The following SCN2B variants were observed in gnomAD, a reference collection of about 807,000 sequenced individuals.
The protein encoded by SCN2B is sodium channel regulatory subunit beta-2.
SCN2B carries 14 observed loss-of-function variants against 18.2 expected under a neutral mutation model. The ratio of observed to expected loss-of-function variants is 0.77; its 90% CI spans 0.51 to 1.21. The LOEUF (loss-of-function observed/expected upper bound fraction) is 1.21. SCN2B is among the 50% of genes most tolerant of loss of function. The pLI is 0.00. For synonymous variants in SCN2B, 115 were observed against 115.3 expected (o/e 1.00, Z 0.02); for missense variants, 262 against 286.9 (o/e 0.91, Z 0.63).
intron 1 of SCN2B, among the ~76,000 whole-genome samples, chr11:118,173,326 T>C (rs1565464600): frequency 1.3e-5 from 2 of 152,228 alleles, no homozygotes; most frequent in African/African-American, 4.8e-5. Flanking sequence ...TTGCTTCAGG[T>C]TGAGAAGCTC....
At position 118,174,091 on chromosome 11, in the gene SCN2B, C is replaced by CTTTTGTTTTTTTTTTT. The variant is rs1555101438; in HGVS notation, c.70+2270_70+2271insAAAAAAAAAAACAAAA. ...ACCATGCCTGGCTTATTTTTCTTTTCTTTTTTTTTTTTTTTTTTTTTTTTT... is the reference window on the plus strand; with the variant it reads ...ACCATGCCTGGCTTATTTTTCTTTTCTTTTGTTTTTTTTTTTTTTTTTTTTTTTTTTTTTTTTTTTT... On this transcript the variant is annotated intron_variant, in intron 1 of 3. Coordinates refer to ENST00000278947, the MANE Select transcript of SCN2B (RefSeq NM_004588.5). Among the ~76,000 whole-genome samples, 53 of 66,660 alleles carry CTTTTGTTTTTTTTTTT rather than the reference C, an allele frequency of 8.0e-4. 8 individuals carry two copies. The highest frequency in any genetic ancestry group is 2.7e-3 in the African/African-American group (42 of 15,546). The allele number at this position is 66,660 out of a possible 152,430, so 43.7% of individuals were successfully genotyped here.
At position 118,174,104 on chromosome 11, in the gene SCN2B, T is replaced by TTTTTTG. The variant is rs1565464874; in HGVS notation, c.70+2257_70+2258insCAAAAA. Among the ~76,000 whole-genome samples, 533 of 128,140 alleles carry TTTTTTG rather than the reference T, an allele frequency of 4.2e-3. 18 individuals carry two copies. The highest frequency in any genetic ancestry group is 0.016 in the African/African-American group (503 of 31,994). The allele number at this position is 128,140 out of a possible 152,430, so 84.1% of individuals were successfully genotyped here. On this transcript the variant is annotated intron_variant, in intron 1 of 3. Coordinates refer to ENST00000278947, the MANE Select transcript of SCN2B (RefSeq NM_004588.5). ...TATTTTTCTTTTCTTTTTTTTTTTT[T>TTTTTTG]TTTTTTTTTTTTTTTTGTAGAGACA...
rs1299303400 is a variant in SCN2B at position 118,168,240 on chromosome 11, C to T, written c.293G>A (p.Arg98His). 7 of 1,614,214 alleles carry T rather than the reference C, an allele frequency of 4.3e-6. No individual in the cohort carries two copies. Among genetic ancestry groups the T allele is most frequent in the African/African-American group, 1.3e-5 (1 of 75,056 alleles). Residue 98 changes from arginine (R) to histidine (H), a missense_variant, in exon 3 of 4, where the codon CGC (arginine) becomes CAC (histidine). Physicochemically the swap from Arg to His is conservative, Grantham distance 29. Transcript: ENST00000278947. This position sits in a 1 kb window ranked among gnomAD's most constrained non-coding sequence, Gnocchi z 4.7. The part of the protein sequence containing the change: ...INLKLERFQD[R>H]VEFSGNPSKY... Reference sequence around the variant, plus strand: ...GCTGGGGTTCCCTGAGAACTCCACGCGGTCTTGAAACCGCTCCAGCTTCAG... The same window carrying T: ...GCTGGGGTTCCCTGAGAACTCCACGTGGTCTTGAAACCGCTCCAGCTTCAG...
chr11:118,166,679 C>T lies in SCN2B; in HGVS notation c.*208G>A, dbSNP rs1565462606. 1.6e-6 allele frequency: 1 copy of T among 631,814 alleles called. No individual in the cohort carries two copies. The highest frequency in any genetic ancestry group is 1.8e-5 in the South Asian group (1 of 54,228). The allele number at this position is 631,814 out of a possible 1,614,324, so 39.1% of individuals were successfully genotyped here. ...TCTCCTCTCCCCAGGGCCCACACGT[C>T]CCAGAGCATGGCAGGTTTCTCGGAT... On this transcript the variant is annotated 3_prime_UTR_variant, in exon 4 of 4. Coordinates refer to ENST00000278947, the MANE Select transcript of SCN2B (RefSeq NM_004588.5).
At position 118,163,053 on chromosome 11, in the gene SCN2B, T is replaced by A. The variant is rs1367489666; in HGVS notation, c.*3834A>T. On this transcript the variant is annotated 3_prime_UTR_variant, in exon 4 of 4. Coordinates refer to ENST00000278947, the MANE Select transcript of SCN2B (RefSeq NM_004588.5). Reference sequence around the variant, plus strand: ...CGCAAGAACATTCCAAAATTTGCCTTTGGTGAATCAACTCAAAACACTGAG... The same window carrying A: ...CGCAAGAACATTCCAAAATTTGCCTATGGTGAATCAACTCAAAACACTGAG... 2 of 152,574 alleles carry A rather than the reference T, an allele frequency of 1.3e-5. No homozygotes were observed. Among genetic ancestry groups the A allele is most frequent in the African/African-American group, 4.8e-5 (2 of 41,412 alleles). 9.5% of individuals were successfully genotyped at this position (152,574 alleles called of 1,614,324 possible).
chr11:118,164,867 C>G lies in SCN2B; in HGVS notation c.*2020G>C, dbSNP rs1436011113. The G allele has an allele frequency of 6.5e-6, 1 of 152,700 alleles. No individual in the cohort carries two copies. Among genetic ancestry groups the G allele is most frequent in the Non-Finnish European group, 1.5e-5 (1 of 68,080 alleles). The allele number at this position is 152,700 out of a possible 1,614,324, so 9.5% of individuals were successfully genotyped here. A position where few individuals can be genotyped will look rare whatever the true frequency, so the allele number is the denominator to read the frequency against. ...TGAATCTCCCAGATGATATTGCTGT[C>G]TCCCCAAATTGGCAATCTGATGGGC... On this transcript the variant is annotated 3_prime_UTR_variant, in exon 4 of 4. Transcript: ENST00000278947.
chr11:118,168,120 C>T lies in SCN2B; in HGVS notation c.413G>A (p.Gly138Asp). Residue 138 changes from glycine (G) to aspartate (D), a missense_variant, in exon 3 of 4, where the codon GGC becomes GAC. Gly to Asp is a moderately conservative substitution (Grantham distance 94). Transcript: ENST00000278947. The surrounding 1 kb of genome is among the most constrained non-coding windows in gnomAD (Gnocchi z 4.7). ...GACCTGCAGATGGATCTTGCCATGG[C>T]CACGGTGGCGGTCAGGGGGGTTCAT... The part of the protein sequence containing the change: ...YIMNPPDRHR[G>D]HGKIHLQVLM... 6.2e-7 allele frequency: 1 copy of T among 1,614,144 alleles called. No individual in the cohort carries two copies. The highest frequency in any genetic ancestry group is 1.1e-5 in the South Asian group (1 of 91,060).
chr11:118,167,217 A>G, intron 3 of SCN2B, 131 bp from the exon 4 acceptor site: 1 of 968,320 alleles, frequency 1.0e-6, no homozygotes. Flanking sequence ...AGCAAAGCCG[A>G]AAAGCAATCC....
intron 1 of SCN2B, among the ~76,000 whole-genome samples, chr11:118,172,742 G>A (rs1006282235): frequency 6.6e-5 from 10 of 152,184 alleles, no homozygotes; most frequent in African/African-American, 2.2e-4. Context: ...CTCAGGCCTC[G>A]TGTCATCCAC....
chr11:118,167,419 T>A (rs947207727), intron 3 of SCN2B, among the ~76,000 whole-genome samples: 14 of 152,332 alleles, frequency 9.2e-5, no homozygotes, highest in Non-Finnish European at 2.1e-4. Flanking sequence ...TTTTCTAACA[T>A]GTAAAATGGG....
chr11:118,168,526 G>A lies in SCN2B; in HGVS notation c.237+59C>T. The A allele has an allele frequency of 6.2e-7, 1 of 1,606,446 alleles. No homozygotes were observed. The highest frequency in any genetic ancestry group is 1.7e-5 in the Admixed American group (1 of 60,028). ...GCCGGGGCCGGTGGTGGGACCAGGG[G>A]CTTCATGCCATGGGGCTCCTACCTC... On this transcript the variant is annotated intron_variant, in intron 2 of 3. Coordinates refer to ENST00000278947, the MANE Select transcript of SCN2B (RefSeq NM_004588.5). This position sits in a 1 kb window ranked among gnomAD's most constrained non-coding sequence, Gnocchi z 4.7.
At chr11:118,167,124 G>A (rs757055969) in intron 3 of SCN2B, 38 bp from the exon 4 acceptor site, 14 of 1,594,300 alleles carry the variant, frequency 8.8e-6, no homozygotes, top group Non-Finnish European at 1.2e-5. Flanking sequence ...CCAGGGCTGG[G>A]AAAGGGGCCT....
intron 1 of SCN2B, among the ~76,000 whole-genome samples, chr11:118,171,564 G>A (rs1299386002): frequency 6.6e-6 from 1 of 152,234 alleles, no homozygotes; most frequent in Non-Finnish European, 1.5e-5. Flanking sequence ...AAGCCCGGCG[G>A]ACTCTGTGCG....
intron 1 of SCN2B, among the ~76,000 whole-genome samples, chr11:118,175,430 A>G (rs1331572525): frequency 6.6e-6 from 1 of 152,218 alleles, no homozygotes; most frequent in East Asian, 1.9e-4. Context: ...CCAGCACATC[A>G]CACCACAGAA....
intron 1 of SCN2B, among the ~76,000 whole-genome samples, chr11:118,170,626 G>T (rs1948423792): frequency 6.6e-6 from 1 of 152,166 alleles, no homozygotes; most frequent in Non-Finnish European, 1.5e-5. Context: ...GATAGAGGCT[G>T]ATGTGGGAAT....
chr11:118,170,123 T>C (rs1349293927), intron 1 of SCN2B, among the ~76,000 whole-genome samples: 2 of 152,236 alleles, frequency 1.3e-5, no homozygotes, highest in Non-Finnish European at 2.9e-5. Flanking sequence ...GTCTAGGCCC[T>C]GGGGGTTACT....
chr11:118,173,906 ACTTT>A (rs111226922), intron 1 of SCN2B, among the ~76,000 whole-genome samples: 455 of 151,490 alleles, frequency 3.0e-3, no homozygotes, highest in African/African-American at 9.5e-3. Flanking sequence ...ACTAGACTTC[ACTTT>A]CTTTCTTTCT....
intron 1 of SCN2B, among the ~76,000 whole-genome samples, chr11:118,173,202 C>T (rs958229681): frequency 1.1e-4 from 16 of 152,322 alleles, no homozygotes; most frequent in African/African-American, 3.6e-4. Context: ...ATACCCTAGC[C>T]TCATCCCCTG....
At chr11:118,174,091 CTTTTTTTTTTTTTTTTT>C (rs1162918445) in intron 1 of SCN2B, among the ~76,000 whole-genome samples, 1 of 66,626 alleles carries the variant, frequency 1.5e-5, no homozygotes, top group South Asian at 7.6e-4. Context: ...TTTTTCTTTT[CTTTTTTTTTTTTTTTTT>C]TTTTTTTTTT....
Sources: allele counts gnomAD v4.1 joint callset (sites outside exome capture counted in the v4.1 genomes callset), GRCh38; gene constraint gnomAD v4.1.1; non-coding constraint Gnocchi (gnomAD v3.1); transcripts MANE v1.5; gene names NCBI Gene and HGNC (gene_info 2026-07-23, HGNC 2026-07-21).